Variants in GLYATL1 observed in about 807,000 individuals in gnomAD.
GLYATL1 encodes the protein glycine N-acyltransferase-like protein 1.
A neutral mutation model predicts 20.0 loss-of-function variants in GLYATL1; 15 were observed. The ratio of observed to expected loss-of-function variants is 0.75; its 90% CI spans 0.50 to 1.15. The LOEUF is 1.15. Ranked by LOEUF, GLYATL1 falls within the 50% of genes most tolerant of loss-of-function variation. The probability of loss-of-function intolerance (pLI) is 0.00; values close to 1 mark genes in which losing one functional copy is unlikely to be tolerated. For synonymous variants in GLYATL1, 151 were observed against 131.5 expected (o/e 1.15, Z -1.01); for missense variants, 380 against 368.5 (o/e 1.03, Z -0.26).
chr11:58,944,231 C>T (rs977285860), intron 2 of GLYATL1, among the ~76,000 whole-genome samples: 1 of 152,174 alleles, frequency 6.6e-6, no homozygotes, highest in Non-Finnish European at 1.5e-5. Flanking sequence ...TGAGGGCTCT[C>T]AGTAAAGTCT....
At chr11:58,921,412 G>C (rs932334423) in intron 1 of GLYATL1, among the ~76,000 whole-genome samples, 2 of 152,120 alleles carry the variant, frequency 1.3e-5, no homozygotes, top group Non-Finnish European at 2.9e-5. Flanking sequence ...GAAGGAGCCC[G>C]GTCTGTCTGA....
At chr11:58,922,559 G>A (rs191117844) in intron 1 of GLYATL1, among the ~76,000 whole-genome samples, 260 of 152,232 alleles carry the variant, frequency 1.7e-3, no homozygotes, top group African/African-American at 5.8e-3. Flanking sequence ...CTCCCTCTCC[G>A]GTGAGACTGG....
intron 4 of GLYATL1, among the ~76,000 whole-genome samples, chr11:58,951,759 T>A (rs1184436801): frequency 1.3e-5 from 2 of 152,170 alleles, no homozygotes; most frequent in East Asian, 3.8e-4. Flanking sequence ...TATTTTATAC[T>A]ATTTGTTAAG....
upstream of GLYATL1, among the ~76,000 whole-genome samples, chr11:58,937,409 C>G (rs571644048): frequency 4.5e-4 from 69 of 152,268 alleles, no homozygotes; most frequent in African/African-American, 1.7e-3. Context: ...GTAAAGAAAC[C>G]TTCTTCCCTA....
intron 1 of GLYATL1, among the ~76,000 whole-genome samples, chr11:58,932,548 AT>A (rs1234635922): frequency 6.6e-5 from 10 of 152,242 alleles, no homozygotes; most frequent in Admixed American, 2.6e-4. Flanking sequence ...ATTCAAAGAT[AT>A]TCATAGAAAA....
At chr11:58,920,109 T>C (rs1426249370) in intron 1 of GLYATL1, among the ~76,000 whole-genome samples, 1 of 152,194 alleles carries the variant, frequency 6.6e-6, no homozygotes, top group African/African-American at 2.4e-5. Context: ...TTGCTGCCTG[T>C]TTTGCCTCTT....
At chr11:58,909,777 T>C (rs529950261), downstream of GLYATL1, among the ~76,000 whole-genome samples, 1 of 152,288 alleles carries the variant, frequency 6.6e-6, no homozygotes, top group East Asian at 1.9e-4. Context: ...GAGCTCTCCA[T>C]ATTGCTGGTA....
intron 1 of GLYATL1, chr11:58,943,303 T>C: frequency 1.3e-6 from 2 of 1,550,556 alleles, no homozygotes; most frequent in Middle Eastern, 1.7e-4. Context: ...TGCTGAATGT[T>C]CAAACTGTGT....
intron 4 of GLYATL1, among the ~76,000 whole-genome samples, chr11:58,951,241 A>G (rs1426875085): frequency 3.3e-5 from 5 of 152,178 alleles, no homozygotes; most frequent in Admixed American, 6.5e-5. Flanking sequence ...GCATGAATTA[A>G]CATTCTTTTA....
intron 4 of GLYATL1, among the ~76,000 whole-genome samples, chr11:58,948,188 A>G (rs1856719535): frequency 6.6e-6 from 1 of 152,184 alleles, no homozygotes; most frequent in Admixed American, 6.5e-5. Context: ...AAGGGAGGAA[A>G]AGGACAAGGC....
intron 1 of GLYATL1, among the ~76,000 whole-genome samples, chr11:58,913,713 T>C (rs1855104737): frequency 6.6e-6 from 1 of 152,156 alleles, no homozygotes; most frequent in African/African-American, 2.4e-5. Context: ...GAAAAGAGAA[T>C]GGAGGAGGCT....
intron 1 of GLYATL1, among the ~76,000 whole-genome samples, chr11:58,920,932 T>A (rs932999438): frequency 6.6e-6 from 1 of 152,234 alleles, no homozygotes; most frequent in Non-Finnish European, 1.5e-5. Context: ...CACCAGGCGA[T>A]GCCAAGATCC....
At chr11:58,948,264 A>G (rs1856727067) in intron 4 of GLYATL1, among the ~76,000 whole-genome samples, 1 of 152,184 alleles carries the variant, frequency 6.6e-6, no homozygotes, top group South Asian at 2.1e-4. Flanking sequence ...AAAGGAGGCC[A>G]ATTTACAGGG....
At chr11:58,910,676 G>A (rs1855018912), downstream of GLYATL1, among the ~76,000 whole-genome samples, 1 of 152,206 alleles carries the variant, frequency 6.6e-6, no homozygotes, top group Admixed American at 6.5e-5. Flanking sequence ...AGGCAACAAA[G>A]CAAGGGAATA....
chr11:58,928,059 C>G (rs955731784), intron 1 of GLYATL1, among the ~76,000 whole-genome samples: 7 of 152,168 alleles, frequency 4.6e-5, no homozygotes, highest in African/African-American at 4.8e-5. Context: ...TCCCGGAGCT[C>G]TATGTCTAGC....
chr11:58,956,172 A>C lies in GLYATL1; in HGVS notation c.*145A>C, dbSNP rs546289267. 20 of 721,630 alleles carry C rather than the reference A, an allele frequency of 2.8e-5. No individual in the cohort carries two copies. The highest frequency in any genetic ancestry group is 4.5e-5 in the Non-Finnish European group (20 of 442,326). The allele number at this position is 721,630 out of a possible 1,614,324, so 44.7% of individuals were successfully genotyped here. A position where few individuals can be genotyped will look rare whatever the true frequency, so the allele number is the denominator to read the frequency against. ...TCTCACCTGGAGCCTTGATGTTAAA[A>C]GACACAGCCATGCTCTTGAGGAGCT... On this transcript the variant is annotated 3_prime_UTR_variant, in exon 7 of 7. Coordinates refer to ENST00000532726, the MANE Select transcript of GLYATL1 (RefSeq NM_001389712.2).
chr11:58,955,847 C>A lies in GLYATL1; in HGVS notation c.729C>A (p.Asn243Lys), dbSNP rs573131884. The change falls in exon 7 of 7, where the codon AAC (asparagine) becomes AAA (lysine). Residue 243 changes from asparagine to lysine, a missense_variant. By Grantham distance (94) the Asn-to-Lys change is moderately conservative (BLOSUM62 0). Transcript: ENST00000532726. ...TGGAAAAATACCGAAGGACAGGCAA[C>A]ATGGCACGAGTGATGGTGCGATACA... ...YSMEKYRRTG[N>K]MARVMVRYMK... 3 of 1,614,202 alleles carry A rather than the reference C, an allele frequency of 1.9e-6. No individual in the cohort carries two copies. In the East Asian group the frequency reaches 6.7e-5, roughly 36 times the overall value.
intron 1 of GLYATL1, among the ~76,000 whole-genome samples, chr11:58,917,907 C>T (rs773189657): frequency 2.0e-5 from 3 of 152,182 alleles, no homozygotes; most frequent in Non-Finnish European, 2.9e-5. Flanking sequence ...CTGTTACTGC[C>T]TTTGGGATGA....
chr11:58,955,874 GA>G lies in GLYATL1; in HGVS notation c.759del (p.Lys253AsnfsTer47), dbSNP rs1674792408. 3 of 1,614,100 alleles carry G rather than the reference GA, an allele frequency of 1.9e-6. No homozygotes were observed. The South Asian group carries it at 3.3e-5, about 18-fold the overall frequency. ...TGGCACGAGTGATGGTGCGATACAT[GA>G]AATATCTGCGTCAGAAGAATATTCC... ...NMARVMVRYM[K>X]YLRQKNIPFY... is the part of the protein sequence containing the mutation. On this transcript the variant is annotated frameshift_variant, in exon 7 of 7. Coordinates refer to ENST00000532726, the MANE Select transcript of GLYATL1 (RefSeq NM_001389712.2). LOFTEE classifies it low-confidence loss of function (END_TRUNC).
Sources: gnomAD v4.1 joint callset for allele counts (sites outside exome capture counted in the v4.1 genomes callset) on GRCh38, gnomAD v4.1.1 for gene constraint, MANE v1.5 for transcripts, NCBI Gene and HGNC (gene_info 2026-07-23, HGNC 2026-07-21) for gene names.